Variants in ESD observed in about 807,000 individuals in gnomAD.
ESD encodes S-formylglutathione hydrolase.
A neutral mutation model predicts 38.1 loss-of-function variants in ESD; 34 were observed. The observed-to-expected ratio is 0.89, with a 90% CI of 0.68 to 1.19. The LOEUF (loss-of-function observed/expected upper bound fraction) is 1.19, where lower values mean the gene tolerates loss of function less well. Among genes scored for constraint, ESD ranks in the 50% most tolerant of loss-of-function variants. ESD has a pLI of 0.00. For synonymous variants in ESD, 97 were observed against 107.0 expected, an observed-to-expected ratio of 0.91 and a Z score of 0.58; for missense variants, 334 against 327.2, an observed-to-expected ratio of 1.02 and a Z score of -0.16.
intron 1 of ESD, among the ~76,000 whole-genome samples, chr13:46,796,345 A>AAT (rs924065369): frequency 6.6e-6 from 1 of 152,226 alleles, no homozygotes; most frequent in African/African-American, 2.4e-5. Context: ...GGTATACAGT[A>AAT]ATATATATCA....
intron 4 of ESD, 89 bp from the exon 5 acceptor site, chr13:46,784,439 G>T: frequency 1.1e-6 from 1 of 900,704 alleles, no homozygotes; most frequent in South Asian, 1.5e-5. Flanking sequence ...GGGGGAGACG[G>T]AGACGGACAA....
intron 5 of ESD, among the ~76,000 whole-genome samples, chr13:46,783,052 C>CT (rs1875065567): frequency 1.3e-5 from 2 of 151,980 alleles, no homozygotes; most frequent in South Asian, 4.1e-4. Flanking sequence ...GTAAGATACA[C>CT]TAACTTTCTT....
In ESD at chr13:46,782,807, C is replaced by T. The variant is rs750419665; in HGVS notation, c.257-16G>A. 4.0e-5 allele frequency: 64 copies of T among 1,611,202 alleles called. No homozygotes were observed. Among genetic ancestry groups the T allele is most frequent in the Non-Finnish European group, 5.3e-5 (63 of 1,178,394 alleles). ...TTGCAGCCACCTATCAAGAAACAAT[C>T]TTGTGGTTTCATCTGCTCTGTAGTA... On this transcript the variant is annotated splice_polypyrimidine_tract_variant and intron_variant, in intron 5 of 9. Transcript: ENST00000378720.
chr13:46,796,207 C>T (rs533925510), intron 1 of ESD, among the ~76,000 whole-genome samples: 5 of 152,256 alleles, frequency 3.3e-5, no homozygotes, highest in African/African-American at 1.2e-4. Flanking sequence ...TTACTCAATG[C>T]CACGGTACAA....
At chr13:46,782,225 AC>A (rs1286237690) in intron 6 of ESD, among the ~76,000 whole-genome samples, 2 of 151,864 alleles carry the variant, frequency 1.3e-5, no homozygotes, top group Non-Finnish European at 2.9e-5. Context: ...TTAAAAACTT[AC>A]ACTATTGTTT....
chr13:46,776,566 A>G (rs1259592838), intron 9 of ESD: 1 of 152,096 alleles, frequency 6.6e-6, no homozygotes, highest in African/African-American at 2.4e-5. Flanking sequence ...CTCATTTGTA[A>G]AACAGATGGA....
intron 3 of ESD, among the ~76,000 whole-genome samples, chr13:46,790,116 A>G (rs1022889943): frequency 5.3e-5 from 8 of 151,312 alleles, no homozygotes; most frequent in African/African-American, 1.7e-4. Flanking sequence ...TGTTAGTATT[A>G]CAGGTGTAAG....
At chr13:46,787,655 T>C (rs997393729) in intron 3 of ESD, among the ~76,000 whole-genome samples, 7 of 151,928 alleles carry the variant, frequency 4.6e-5, no homozygotes, top group African/African-American at 1.4e-4. Context: ...ATGGGTTTAT[T>C]TAAAACATCA....
intron 9 of ESD, 73 bp downstream of exon 9, chr13:46,777,383 A>T: frequency 8.3e-7 from 1 of 1,205,992 alleles, no homozygotes; most frequent in Non-Finnish European, 1.1e-6. Flanking sequence ...AAATAAAGTT[A>T]AGAAAATATC....
intron 6 of ESD, 103 bp from the exon 7 acceptor site, chr13:46,781,718 G>T: frequency 9.3e-7 from 1 of 1,069,634 alleles, no homozygotes; most frequent in Non-Finnish European, 1.4e-6. Flanking sequence ...CCAAATCATA[G>T]TCTTACAATG....
chr13:46,772,892 G>A (rs544354239), intron 9 of ESD, among the ~76,000 whole-genome samples: 10 of 152,122 alleles, frequency 6.6e-5, no homozygotes, highest in Non-Finnish European at 1.5e-4. Flanking sequence ...CGCCATGTTA[G>A]CCAGGATGGT....
At chr13:46,796,938 C>T (rs1214667381) in intron 1 of ESD, among the ~76,000 whole-genome samples, 167 bp downstream of exon 1, 1 of 152,246 alleles carries the variant, frequency 6.6e-6, no homozygotes, top group Non-Finnish European at 1.5e-5. Flanking sequence ...AGGTCCTTGG[C>T]CTCCTGTCAT....
intron 9 of ESD, chr13:46,775,285 AAAT>A (rs1389533272): frequency 3.3e-5 from 5 of 152,792 alleles, no homozygotes; most frequent in Non-Finnish European, 7.3e-5. Context: ...TCTCTCTAAA[AAAT>A]TTTTTTTGAC....
At chr13:46,777,813 T>C (rs984114957) in intron 8 of ESD, among the ~76,000 whole-genome samples, 190 bp from the exon 9 acceptor site, 2 of 152,004 alleles carry the variant, frequency 1.3e-5, no homozygotes, top group Admixed American at 1.3e-4. Context: ...TTCTATTTTC[T>C]AATAATAGTC....
rs771837482 is a variant in ESD at position 46,780,030 on chromosome 13, C to T, written c.505G>A (p.Val169Met). 7 of 1,584,680 alleles carry T rather than the reference C, an allele frequency of 4.4e-6. No homozygotes were observed. The highest frequency in any genetic ancestry group is 6.0e-6 in the Non-Finnish European group (7 of 1,164,502). The change falls in exon 8 of 10, where the codon GTG becomes ATG. Residue 169 changes from valine (V) to methionine (M), a missense_variant. Physicochemically the swap from Val to Met is conservative, Grantham distance 21. Coordinates refer to ENST00000378720, the MANE Select transcript of ESD (RefSeq NM_001984.2). The stretch of plus-strand genomic sequence containing the variant: ...TTGCAAATTGGAGCAAATGCTGACA[C>T]AGACTTCAGAAACAAAAGAAATTTA... ...ALKNPGKYKS[V>M]SAFAPICNPV...
chr13:46,779,546 A>G (rs972628963), intron 8 of ESD, among the ~76,000 whole-genome samples: 1 of 151,322 alleles, frequency 6.6e-6, no homozygotes, highest in African/African-American at 2.4e-5. Flanking sequence ...TTTTTAGATT[A>G]GGGATGCTCA....
chr13:46,788,924 G>A (rs1025620809), intron 3 of ESD, among the ~76,000 whole-genome samples: 1 of 151,980 alleles, frequency 6.6e-6, no homozygotes, highest in African/African-American at 2.4e-5. Flanking sequence ...CTTCAGACCA[G>A]TACTGCCGAA....
intron 6 of ESD, among the ~76,000 whole-genome samples, chr13:46,781,834 C>G (rs558715485): frequency 2.0e-4 from 31 of 151,822 alleles, no homozygotes; most frequent in African/African-American, 7.2e-4. Flanking sequence ...TTAGAAAACA[C>G]TTTAGGAAGG....
At chr13:46,791,443 T>C in intron 2 of ESD, 23 bp from the exon 3 acceptor site, 1 of 1,566,226 alleles carries the variant, frequency 6.4e-7, no homozygotes, top group Non-Finnish European at 8.7e-7. Flanking sequence ...AGTAATCTCA[T>C]TAATTTCCAG....
Sources: gnomAD v4.1 joint callset for allele counts (sites outside exome capture counted in the v4.1 genomes callset) on GRCh38, gnomAD v4.1.1 for gene constraint, MANE v1.5 for transcripts, NCBI Gene and HGNC (gene_info 2026-07-23, HGNC 2026-07-21) for gene names.